SMOC2: variants seen among roughly 807,000 people sequenced by gnomAD.
SMOC2 encodes the protein SPARC-related modular calcium-binding protein 2.
Under a neutral mutation model 61.4 loss-of-function variants are expected in SMOC2, and 39 were observed. The ratio of observed to expected loss-of-function variants is 0.64; its 90% confidence interval spans 0.49 to 0.83. The LOEUF is 0.83. Among genes scored for constraint, SMOC2 ranks in the 40% least tolerant of loss-of-function variants. The pLI is 0.00. For missense variants in SMOC2, 556 were observed against 592.9 expected (o/e 0.94, Z 0.65); for synonymous variants, 247 against 239.9 (o/e 1.03, Z -0.27).
At chr6:168,531,591 G>T (rs1562331598) in intron 4 of SMOC2, among the ~76,000 whole-genome samples, 1 of 152,202 alleles carries the variant, frequency 6.6e-6, no homozygotes, top group Admixed American at 6.5e-5. Context: ...ATTAAGGTTT[G>T]CCTTTGGGGA....
At position 168,500,488 on chromosome 6, in the gene SMOC2, G is replaced by A. The variant is rs554426131; in HGVS notation, c.85-9427G>A. ...CGTGGAACCTGACGGGGTCCCTCAC[G>A]GAGGTGTTCTAGGGTCTCCGCGTGG... On this transcript the variant is annotated intron_variant, in intron 1 of 12. Coordinates refer to ENST00000356284, the MANE Select transcript of SMOC2 (RefSeq NM_001166412.2). Among the ~76,000 whole-genome samples, 412 of 152,182 alleles carry A rather than the reference G, an allele frequency of 2.7e-3. 1 individual carries two copies. The highest frequency in any genetic ancestry group is 9.4e-3 in the African/African-American group (392 of 41,520).
chr6:168,538,864 T>C (rs1389822919), intron 4 of SMOC2, among the ~76,000 whole-genome samples: 1 of 151,986 alleles, frequency 6.6e-6, no homozygotes, highest in South Asian at 2.1e-4. Context: ...AGCAGGTGTT[T>C]TGGTGCAGAT....
chr6:168,491,213 T>C (rs1345845821), intron 1 of SMOC2, among the ~76,000 whole-genome samples: 1 of 152,218 alleles, frequency 6.6e-6, no homozygotes, highest in Admixed American at 6.5e-5. Context: ...ATCTTGGTCT[T>C]GTGGAAGCTG....
At chr6:168,538,664 C>T (rs569339112) in intron 4 of SMOC2, among the ~76,000 whole-genome samples, 2 of 120,204 alleles carry the variant, frequency 1.7e-5, no homozygotes, top group Admixed American at 9.2e-5. Flanking sequence ...GTGGGGTGAC[C>T]GCTGCTGGAA....
chr6:168,640,623 G>A (rs746535460), intron 9 of SMOC2, among the ~76,000 whole-genome samples: 1 of 152,178 alleles, frequency 6.6e-6, no homozygotes, highest in Non-Finnish European at 1.5e-5. Context: ...TTACTAGTAC[G>A]GAAGCTTATT....
chr6:168,507,319 G>A (rs1782894986), intron 1 of SMOC2, among the ~76,000 whole-genome samples: 2 of 152,134 alleles, frequency 1.3e-5, no homozygotes, highest in South Asian at 4.2e-4. Context: ...AATAGGGCCG[G>A]CCCCTGTTTG....
intron 9 of SMOC2, among the ~76,000 whole-genome samples, chr6:168,639,940 C>G (rs1242438958): frequency 6.6e-6 from 1 of 152,224 alleles, no homozygotes; most frequent in Non-Finnish European, 1.5e-5. Context: ...ATGTGCAGAT[C>G]TCTGAGGAGC....
At chr6:168,554,886 CG>C (rs1450449512) in intron 7 of SMOC2, among the ~76,000 whole-genome samples, 14 of 152,308 alleles carry the variant, frequency 9.2e-5, no homozygotes, top group Non-Finnish European at 1.6e-4. Context: ...CCCAAGATGC[CG>C]GGGGCATCTG....
chr6:168,626,065 T>A lies in SMOC2; in HGVS notation c.907+17826T>A, dbSNP rs73242455. Among the ~76,000 whole-genome samples, 312 of 152,314 alleles carry A rather than the reference T, an allele frequency of 2.0e-3. 1 individual carries two copies. The highest frequency in any genetic ancestry group is 7.2e-3 in the African/African-American group (299 of 41,566). On this transcript the variant is annotated intron_variant, in intron 9 of 12. Transcript: ENST00000356284. ...AAGAGGCCAGCACCTGTTTCCTCAG[T>A]CACTGGAGAAATTATTCAAGTAGCC...
At chr6:168,625,174 T>G (rs565995207) in intron 9 of SMOC2, among the ~76,000 whole-genome samples, 3 of 152,180 alleles carry the variant, frequency 2.0e-5, no homozygotes, top group Admixed American at 2.0e-4. Flanking sequence ...AGAAAAGCAC[T>G]AGGGCATGTG....
rs1392696482 is a variant in SMOC2, at chr6:168,656,617, C to T, written c.1285+3389C>T. On this transcript the variant is annotated intron_variant, in intron 11 of 12. Coordinates refer to ENST00000356284, the MANE Select transcript of SMOC2 (RefSeq NM_001166412.2). ...GTGAGACAGGGGCCCTTTGATCTGA[C>T]CTGGACTGAGGGCTCCTGGAGGAGG... 2.0e-5 allele frequency among the ~76,000 whole-genome samples: 3 copies of T among 151,140 alleles called. No individual in the cohort carries two copies. The East Asian group carries it at 5.9e-4, about 30-fold the overall frequency.
At chr6:168,491,959 A>G (rs1782479377) in intron 1 of SMOC2, among the ~76,000 whole-genome samples, 2 of 152,180 alleles carry the variant, frequency 1.3e-5, no homozygotes, top group East Asian at 1.9e-4. Flanking sequence ...ATTCTCCCGC[A>G]TTCTTCTTTT....
intron 1 of SMOC2, among the ~76,000 whole-genome samples, chr6:168,468,531 C>T (rs1045783768): frequency 2.0e-5 from 3 of 152,174 alleles, no homozygotes; most frequent in Admixed American, 6.5e-5. Context: ...CTGGTCTTGA[C>T]AATGAAGGTT....
At chr6:168,652,908 CA>C in intron 10 of SMOC2, 45 bp from the exon 11 acceptor site, 1 of 1,579,914 alleles carries the variant, frequency 6.3e-7, no homozygotes, top group Admixed American at 1.8e-5. Context: ...CAGGAAGGAG[CA>C]GCCCAGGGGT....
intron 9 of SMOC2, among the ~76,000 whole-genome samples, chr6:168,628,440 G>A (rs1786475286): frequency 6.6e-6 from 1 of 152,172 alleles, no homozygotes; most frequent in Non-Finnish European, 1.5e-5. Context: ...TGCTGTTACA[G>A]TGATGGTTTG....
At chr6:168,536,229 C>T (rs1783730634) in intron 4 of SMOC2, among the ~76,000 whole-genome samples, 1 of 152,222 alleles carries the variant, frequency 6.6e-6, no homozygotes, top group African/African-American at 2.4e-5. Context: ...CCATCCATGA[C>T]CATCTCAACA....
chr6:168,623,218 C>T (rs563019954), intron 9 of SMOC2, among the ~76,000 whole-genome samples: 122 of 152,102 alleles, frequency 8.0e-4, no homozygotes, highest in African/African-American at 2.8e-3. Context: ...GGTCAACATG[C>T]AATACTCTAA....
intron 1 of SMOC2, among the ~76,000 whole-genome samples, chr6:168,482,571 T>C (rs1782231363): frequency 6.6e-6 from 1 of 152,084 alleles, no homozygotes; most frequent in African/African-American, 2.4e-5. Context: ...AGTATTATTC[T>C]GATTCCAATG....
chr6:168,537,824 G>A (rs991900602), intron 4 of SMOC2, among the ~76,000 whole-genome samples: 5 of 150,548 alleles, frequency 3.3e-5, no homozygotes, highest in African/African-American at 7.4e-5. Context: ...CTGTCAGCAC[G>A]AAGGGGAAAG....
Sources: allele counts gnomAD v4.1 joint callset (sites outside exome capture counted in the v4.1 genomes callset), GRCh38; gene constraint gnomAD v4.1.1; transcripts MANE v1.5; gene names NCBI Gene and HGNC (gene_info 2026-07-23, HGNC 2026-07-21).